MAP7: variants seen among roughly 807,000 people sequenced by gnomAD.
MAP7 encodes the protein microtubule associated protein 7, also known as ensconsin.
MAP7 carries 52 observed loss-of-function variants against 94.8 expected under a neutral mutation model. The observed-to-expected ratio is 0.55, with a 90% CI of 0.44 to 0.69. The LOEUF (loss-of-function observed/expected upper bound fraction) is 0.69. Ranked by LOEUF, MAP7 falls within the 30% of genes least tolerant of loss-of-function variation. The pLI, the probability that MAP7 is intolerant of heterozygous loss-of-function variation, is 0.00. For synonymous variants in MAP7, 350 were observed against 357.0 expected (o/e 0.98, Z 0.22); for missense variants, 940 against 964.6 (o/e 0.97, Z 0.34).
intron 1 of MAP7, among the ~76,000 whole-genome samples, chr6:136,531,304 G>A (rs1328192491): frequency 6.9e-6 from 1 of 144,760 alleles, no homozygotes; most frequent in Non-Finnish European, 1.5e-5. Flanking sequence ...ACAGATGCCC[G>A]GACTGTGTTT....
At chr6:136,463,168 G>A (rs1291261112) in intron 1 of MAP7, among the ~76,000 whole-genome samples, 1 of 151,926 alleles carries the variant, frequency 6.6e-6, no homozygotes, top group African/African-American at 2.4e-5. Flanking sequence ...CATTTAAAAG[G>A]CATACCATAT....
intron 1 of MAP7, among the ~76,000 whole-genome samples, chr6:136,547,688 C>G (rs1829836551): frequency 7.1e-6 from 1 of 141,238 alleles, no homozygotes; most frequent in Non-Finnish European, 1.5e-5. Flanking sequence ...TGTGATTTGA[C>G]TAACTTTGAG....
chr6:136,429,387 C>T (rs1794228201), intron 1 of MAP7, among the ~76,000 whole-genome samples: 1 of 152,126 alleles, frequency 6.6e-6, no homozygotes, highest in African/African-American at 2.4e-5. Context: ...ATAAGGGACA[C>T]TCAAGCTGTT....
At chr6:136,510,566 G>A (rs1822967019) in intron 1 of MAP7, among the ~76,000 whole-genome samples, 1 of 152,120 alleles carries the variant, frequency 6.6e-6, no homozygotes, top group African/African-American at 2.4e-5. Flanking sequence ...CTTCAGGTAG[G>A]AGGATGAGCT....
At position 136,362,518 on chromosome 6, in the gene MAP7, C is replaced by T; in HGVS notation, c.1458G>A (p.Lys486=). 2 of 1,614,212 alleles carry T rather than the reference C, an allele frequency of 1.2e-6. No homozygotes were observed. The highest frequency in any genetic ancestry group is 1.6e-4 in the Middle Eastern group (1 of 6,062). The change falls in exon 11 of 18, where the codon AAG becomes AAA. Residue 486 remains lysine (K), a synonymous_variant. Coordinates refer to ENST00000354570, the MANE Select transcript of MAP7 (RefSeq NM_003980.6). ...PEEATRLLAE[K]RRLAREQREK... is the part of the protein sequence containing the mutation. ...CTCTCTGCTCTCGGGCCAGCCGCCT[C>T]TTCTCAGCTAGAAGCCTTGTGGCCT... is the stretch of plus-strand genomic sequence containing the variant.
chr6:136,399,877 AG>A (rs1783573103), intron 3 of MAP7, among the ~76,000 whole-genome samples: 1 of 152,234 alleles, frequency 6.6e-6, no homozygotes, highest in South Asian at 2.1e-4. Flanking sequence ...GAACATCTAA[AG>A]ATGGAAAAGT....
At chr6:136,534,336 T>G (rs556423482) in intron 1 of MAP7, among the ~76,000 whole-genome samples, 1 of 152,356 alleles carries the variant, frequency 6.6e-6, no homozygotes, top group African/African-American at 2.4e-5. Context: ...TCCTTCTTCT[T>G]CTTTCCCAGG....
chr6:136,540,616 T>TAGA (rs1236016334), intron 1 of MAP7, among the ~76,000 whole-genome samples: 1 of 152,186 alleles, frequency 6.6e-6, no homozygotes, highest in African/African-American at 2.4e-5. Context: ...GTAAACTCAC[T>TAGA]AGACTTAGGG....
chr6:136,481,302 C>A (rs1812779409), intron 1 of MAP7, among the ~76,000 whole-genome samples: 2 of 152,122 alleles, frequency 1.3e-5, no homozygotes, highest in South Asian at 4.1e-4. Context: ...CTAAATGTAG[C>A]AAAGAGATAT....
chr6:136,527,340 AT>A (rs1009652041), intron 1 of MAP7, among the ~76,000 whole-genome samples: 2 of 151,956 alleles, frequency 1.3e-5, no homozygotes, highest in African/African-American at 2.4e-5. Context: ...AAGAAAAAAC[AT>A]TTTTTTTGCT....
intron 1 of MAP7, among the ~76,000 whole-genome samples, chr6:136,478,635 A>C (rs1811706762): frequency 6.6e-6 from 1 of 152,134 alleles, no homozygotes; most frequent in African/African-American, 2.4e-5. Context: ...CCAATATTGC[A>C]GAAATTCAAA....
intron 3 of MAP7, among the ~76,000 whole-genome samples, chr6:136,407,324 T>C (rs1785927402): frequency 6.6e-6 from 1 of 152,154 alleles, no homozygotes; most frequent in South Asian, 2.1e-4. Flanking sequence ...AAAAATTCAG[T>C]AGTGTATAAA....
chr6:136,432,199 T>TA lies in MAP7; in HGVS notation c.68-10401dup, dbSNP rs895991517. 4.2e-4 allele frequency among the ~76,000 whole-genome samples: 63 copies of TA among 149,858 alleles called. 1 individual carries two copies. The highest frequency in any genetic ancestry group is 2.1e-3 in the South Asian group (10 of 4,726). Reference sequence around the variant, plus strand: ...ATTAAGAAATTCTGTACTCATAAATTAAAAAAAAAATCCCTAAACTGATAC... The same window carrying TA: ...ATTAAGAAATTCTGTACTCATAAATTAAAAAAAAAAATCCCTAAACTGATAC... On this transcript the variant is annotated intron_variant, in intron 1 of 17. Coordinates refer to ENST00000354570, the MANE Select transcript of MAP7 (RefSeq NM_003980.6).
At chr6:136,543,195 G>A (rs1194956335) in intron 1 of MAP7, among the ~76,000 whole-genome samples, 3 of 152,146 alleles carry the variant, frequency 2.0e-5, no homozygotes, top group African/African-American at 7.2e-5. Flanking sequence ...GCCAAAACCC[G>A]GGAACAACTC....
intron 11 of MAP7, 108 bp from the exon 12 acceptor site, chr6:136,361,287 G>GA: frequency 8.8e-7 from 1 of 1,139,426 alleles, no homozygotes; most frequent in East Asian, 2.4e-5. Context: ...GCGTCCAGTA[G>GA]AAAAATCCCC....
intron 7 of MAP7, among the ~76,000 whole-genome samples, chr6:136,372,973 G>T (rs1775021395): frequency 6.6e-6 from 1 of 151,966 alleles, no homozygotes; most frequent in African/African-American, 2.4e-5. Context: ...TTAGCTGATG[G>T]TTCTGGAAAA....
intron 1 of MAP7, among the ~76,000 whole-genome samples, chr6:136,524,772 A>G (rs934660654): frequency 3.3e-5 from 5 of 152,234 alleles, no homozygotes; most frequent in African/African-American, 1.2e-4. Context: ...CAGACACTGG[A>G]TTCTATTTAA....
intron 1 of MAP7, among the ~76,000 whole-genome samples, chr6:136,447,406 T>G (rs968691687): frequency 6.6e-6 from 1 of 152,218 alleles, no homozygotes; most frequent in Non-Finnish European, 1.5e-5. Context: ...AAGGTGTTAT[T>G]ATTTCCTGTT....
At chr6:136,380,316 C>G (rs1777405928) in intron 6 of MAP7, among the ~76,000 whole-genome samples, 1 of 152,124 alleles carries the variant, frequency 6.6e-6, no homozygotes, top group Non-Finnish European at 1.5e-5. Context: ...GTAATAGGTG[C>G]CAGGAAGAAA....
Sources: gnomAD v4.1 joint callset for allele counts (sites outside exome capture counted in the v4.1 genomes callset) on GRCh38, gnomAD v4.1.1 for gene constraint, MANE v1.5 for transcripts, NCBI Gene and HGNC (gene_info 2026-07-23, HGNC 2026-07-21) for gene names.